ARSG: variants seen among roughly 807,000 people sequenced by gnomAD.
ARSG encodes arylsulfatase G.
In ARSG, 37 loss-of-function variants were observed where a neutral mutation model predicts 50.5. The observed-to-expected ratio is 0.73, with a 90% confidence interval of 0.56 to 0.96. The LOEUF (loss-of-function observed/expected upper bound fraction) is 0.96. Among genes scored for constraint, ARSG ranks in the 50% least tolerant of loss-of-function variants. The pLI, the probability that ARSG is intolerant of heterozygous loss-of-function variation, is 0.00. For missense variants in ARSG, 629 were observed against 675.3 expected, an observed-to-expected ratio of 0.93 and a Z score of 0.76; for synonymous variants, 225 against 254.6, an observed-to-expected ratio of 0.88 and a Z score of 1.11.
At chr17:68,310,617 C>A (rs567346267) in intron 2 of ARSG, among the ~76,000 whole-genome samples, 1 of 152,342 alleles carries the variant, frequency 6.6e-6, no homozygotes, top group South Asian at 2.1e-4. Flanking sequence ...ATTCTGTCTG[C>A]ACTGGGCGAA....
intron 11 of ARSG, among the ~76,000 whole-genome samples, chr17:68,414,726 G>A (rs774819484): frequency 6.6e-6 from 1 of 152,092 alleles, no homozygotes; most frequent in Admixed American, 6.5e-5. Context: ...TTATTGGTTT[G>A]TTCAGGGTAT....
intron 6 of ARSG, 102 bp from the exon 7 acceptor site, chr17:68,368,446 A>C: frequency 1.9e-6 from 2 of 1,080,538 alleles, no homozygotes; most frequent in Non-Finnish European, 2.8e-6. Context: ...GTGGGGCAGA[A>C]GGAGCTTTGG....
At chr17:68,442,339 C>T in the ARSG span, among the ~76,000 whole-genome samples, 1 of 151,896 alleles carries the variant, frequency 6.6e-6, no homozygotes, top group Non-Finnish European at 1.5e-5. Context: ...GTGGTAGGCA[C>T]CTGTAGTCCC....
chr17:68,426,242 T>C, downstream of ARSG: 9 of 668,982 alleles, frequency 1.3e-5, no homozygotes, highest in Non-Finnish European at 1.8e-5. Context: ...ACCTGGCGGG[T>C]GGGGAGCGGG....
In ARSG at chr17:68,271,567, GC is replaced by G; in HGVS notation, c.-552+12142del. Reference sequence around the variant, plus strand: ...TCTGATAAAGATGGGTCTGAGCAGTGCTCCGAAGATGACAATGTTTAACTGT... The same window carrying G: ...TCTGATAAAGATGGGTCTGAGCAGTGTCCGAAGATGACAATGTTTAACTGT... On this transcript the variant is annotated intron_variant, in intron 1 of 11. Coordinates refer to the ARSG transcript ENST00000448504. The surrounding 1 kb of genome is among the most constrained non-coding windows in gnomAD (Gnocchi z 5.3). The G allele has an allele frequency of 6.2e-7, 1 of 1,614,216 alleles. No homozygotes were observed. Among genetic ancestry groups the G allele is most frequent in the Non-Finnish European group, 8.5e-7 (1 of 1,180,030 alleles).
At chr17:68,435,924 C>T in the ARSG span, among the ~76,000 whole-genome samples, 1 of 152,248 alleles carries the variant, frequency 6.6e-6, no homozygotes, top group Admixed American at 6.5e-5. Flanking sequence ...ATCCCTTTTC[C>T]TGCCCTTGGG....
In ARSG at chr17:68,352,181, G is replaced by GAGAC. The variant is rs1191293909; in HGVS notation, c.566+499_566+502dup. 3.3e-5 allele frequency among the ~76,000 whole-genome samples: 5 copies of GAGAC among 150,230 alleles called. No homozygotes were observed. In the East Asian group the frequency reaches 9.8e-4, roughly 29 times the overall value. On this transcript the variant is annotated intron_variant, in intron 5 of 11. Transcript: ENST00000621439. ...AGAGAGACAGAGAGAGAGAGAGAGA[G>GAGAC]AGACAGAGACAGAGAGAGAGAGAAC...
At chr17:68,287,471 T>C (rs2075867725), upstream of ARSG, among the ~76,000 whole-genome samples, 1 of 152,162 alleles carries the variant, frequency 6.6e-6, no homozygotes, top group Non-Finnish European at 1.5e-5. Context: ...GATGGTGGAC[T>C]ATTCATTTCT....
chr17:68,363,220 G>A (rs150290136), intron 6 of ARSG, among the ~76,000 whole-genome samples: 1 of 152,146 alleles, frequency 6.6e-6, no homozygotes, highest in Non-Finnish European at 1.5e-5. Context: ...CTTTGGAATT[G>A]GATCTTAAGA....
At chr17:68,377,526 T>C (rs2080210874) in intron 8 of ARSG, among the ~76,000 whole-genome samples, 1 of 152,190 alleles carries the variant, frequency 6.6e-6, no homozygotes, top group Non-Finnish European at 1.5e-5. Flanking sequence ...TAGGTGGGGT[T>C]GTGGACCATT....
chr17:68,380,723 G>T (rs962000054), intron 8 of ARSG, among the ~76,000 whole-genome samples: 1 of 152,122 alleles, frequency 6.6e-6, no homozygotes, highest in African/African-American at 2.4e-5. Context: ...GTTAAGTTTT[G>T]GGAGAGTCAG....
chr17:68,447,954 C>T, the ARSG span, among the ~76,000 whole-genome samples: 6 of 144,632 alleles, frequency 4.1e-5, no homozygotes, highest in African/African-American at 1.5e-4. Context: ...GACTGCACTC[C>T]AGCCTGGGCA....
intron 2 of ARSG, among the ~76,000 whole-genome samples, chr17:68,330,983 G>GTT (rs1555774017): frequency 2.2e-5 from 2 of 89,374 alleles, no homozygotes; most frequent in Non-Finnish European, 5.9e-5. Flanking sequence ...TTTTGCGGGG[G>GTT]GGGGGGGAGG....
At chr17:68,385,231 C>G in intron 9 of ARSG, 59 bp downstream of exon 9, 1 of 1,496,638 alleles carries the variant, frequency 6.7e-7, no homozygotes, top group Non-Finnish European at 9.3e-7. Context: ...GTCATGGAGG[C>G]ATGGGTGGCT....
At chr17:68,448,876 T>C in the ARSG span, among the ~76,000 whole-genome samples, 2 of 152,214 alleles carry the variant, frequency 1.3e-5, no homozygotes, top group African/African-American at 2.4e-5. Context: ...CAAACTGCCT[T>C]TCCCTCCCTT....
In ARSG at chr17:68,307,245, A is replaced by G. The variant is rs1555764465; in HGVS notation, c.-249A>G. 7.8e-6 allele frequency: 4 copies of G among 515,844 alleles called. No individual in the cohort carries two copies. Among genetic ancestry groups the G allele is most frequent in the African/African-American group, 7.7e-5 (4 of 52,164 alleles). 32.0% of individuals were successfully genotyped at this position (515,844 alleles called of 1,614,324 possible). On this transcript the variant is annotated 5_prime_UTR_variant, in exon 2 of 12. Coordinates refer to ENST00000621439, the MANE Select transcript of ARSG (RefSeq NM_001267727.2). The stretch of plus-strand genomic sequence containing the variant: ...ACACTGACCATAGAAGATCAAGCCA[A>G]ATGAGGGATTGCAAATTTCCTGATT...
chr17:68,444,214 G>A, the ARSG span, among the ~76,000 whole-genome samples: 2 of 152,154 alleles, frequency 1.3e-5, no homozygotes, highest in Non-Finnish European at 2.9e-5. Flanking sequence ...TCTTTTACAT[G>A]TCTACCTTAC....
chr17:68,372,043 G>T (rs8068710), intron 8 of ARSG, among the ~76,000 whole-genome samples: 1 of 152,080 alleles, frequency 6.6e-6, no homozygotes, highest in Non-Finnish European at 1.5e-5. Flanking sequence ...CAATAAACTG[G>T]TATTGTTTGT....
rs1163819709 is a variant in ARSG at position 68,399,146 on chromosome 17, G to T, written c.1213-2214G>T. 6.6e-6 allele frequency among the ~76,000 whole-genome samples: 1 copy of T among 152,102 alleles called. No homozygotes were observed. Among genetic ancestry groups the T allele is most frequent in the African/African-American group, 2.4e-5 (1 of 41,410 alleles). Reference sequence around the variant, plus strand: ...CTGTGGGTCATCAAATGCTTGACACGCCCCTGGAGGCCATACATCGAGGAA... The same window carrying T: ...CTGTGGGTCATCAAATGCTTGACACTCCCCTGGAGGCCATACATCGAGGAA... On this transcript the variant is annotated intron_variant, in intron 10 of 11. Transcript: ENST00000621439. This position sits in a 1 kb window ranked among gnomAD's most constrained non-coding sequence, Gnocchi z 4.6.
Sources: allele counts gnomAD v4.1 joint callset (sites outside exome capture counted in the v4.1 genomes callset), GRCh38; gene constraint gnomAD v4.1.1; non-coding constraint Gnocchi (gnomAD v3.1); transcripts MANE v1.5; gene names NCBI Gene and HGNC (gene_info 2026-07-23, HGNC 2026-07-21).